ZFHX3: variants seen among roughly 807,000 people sequenced by gnomAD.
ZFHX3 encodes zinc finger homeobox protein 3.
In ZFHX3, 42 loss-of-function variants were observed where a neutral mutation model predicts 279.1. The observed-to-expected ratio is 0.15, with a 90% CI of 0.12 to 0.19. The LOEUF (loss-of-function observed/expected upper bound fraction) is 0.19. Ranked by LOEUF, ZFHX3 falls within the 10% of genes least tolerant of loss-of-function variation. The pLI, the probability that ZFHX3 is intolerant of heterozygous loss-of-function variation, is 1.00. For missense variants in ZFHX3, 4,981 were observed against 4,754.0 expected (o/e 1.05, Z -1.40); for synonymous variants, 2,293 against 1,957.8 (o/e 1.17, Z -4.52).
At chr16:72,840,981 C>T (rs1293964207) in intron 4 of ZFHX3, among the ~76,000 whole-genome samples, 4 of 152,164 alleles carry the variant, frequency 2.6e-5, no homozygotes, top group Non-Finnish European at 4.4e-5. Flanking sequence ...TTGGCCAGAC[C>T]CAAGCATATA....
At chr16:73,317,274 G>C (rs568801636) in intron 4 of ZFHX3, among the ~76,000 whole-genome samples, 1 of 151,400 alleles carries the variant, frequency 6.6e-6, no homozygotes, top group East Asian at 1.9e-4. Context: ...AACAGAAGCC[G>C]GGGGGTGGGG....
chr16:73,463,279 G>T (rs1305873805), intron 2 of ZFHX3, among the ~76,000 whole-genome samples: 1 of 152,110 alleles, frequency 6.6e-6, no homozygotes, highest in African/African-American at 2.4e-5. Context: ...AAGTGATATT[G>T]TCCCCTCAAC....
At chr16:73,286,086 T>G (rs1177453440) in intron 4 of ZFHX3, among the ~76,000 whole-genome samples, 1 of 152,172 alleles carries the variant, frequency 6.6e-6, no homozygotes, top group Non-Finnish European at 1.5e-5. Context: ...GGAAGGGACT[T>G]CATACAAATG....
chr16:72,808,807 C>T (rs2036350210), intron 7 of ZFHX3, among the ~76,000 whole-genome samples: 2 of 152,198 alleles, frequency 1.3e-5, no homozygotes, highest in African/African-American at 4.8e-5. Context: ...CCTTATGCTC[C>T]CTGGCATTGT....
At chr16:73,342,560 G>C (rs368971038) in intron 3 of ZFHX3, among the ~76,000 whole-genome samples, 1 of 152,156 alleles carries the variant, frequency 6.6e-6, no homozygotes, top group Non-Finnish European at 1.5e-5. Flanking sequence ...GGAAGAAAAC[G>C]GGTGCAAAAG....
intron 3 of ZFHX3, among the ~76,000 whole-genome samples, chr16:73,334,859 C>T (rs1243250542): frequency 1.7e-5 from 1 of 60,284 alleles, no homozygotes; most frequent in African/African-American, 6.6e-5. Flanking sequence ...CTTTCTGAAT[C>T]TGCTTGACGT....
At chr16:72,866,872 T>A (rs898366953) in intron 4 of ZFHX3, among the ~76,000 whole-genome samples, 3 of 152,156 alleles carry the variant, frequency 2.0e-5, no homozygotes, top group Admixed American at 6.5e-5. Context: ...GACCTGCAGT[T>A]CCACCTTAAC....
chr16:73,184,542 A>G (rs796111692), intron 5 of ZFHX3, among the ~76,000 whole-genome samples: 16 of 152,298 alleles, frequency 1.1e-4, no homozygotes, highest in African/African-American at 3.8e-4. Flanking sequence ...CCAGAGGGAA[A>G]GGCAGGTCGT....
rs1432645260 is a variant in ZFHX3 at position 72,786,117 on chromosome 16, A to G, written c.*1047T>C. On this transcript the variant is annotated 3_prime_UTR_variant, in exon 10 of 10. Coordinates refer to ENST00000268489, the MANE Select transcript of ZFHX3 (RefSeq NM_006885.4). ...AAGAAAGAGAAAGTGGAATTAAGGG[A>G]CAAGGGGAGAAAAGCTTAGGCGAAT... 1 of 152,272 alleles carries G rather than the reference A, an allele frequency of 6.6e-6. No homozygotes were observed. The highest frequency in any genetic ancestry group is 1.5e-5 in the Non-Finnish European group (1 of 68,044). 9.4% of individuals were successfully genotyped at this position (152,272 alleles called of 1,614,324 possible).
chr16:73,538,298 G>A (rs1390279945), intron 2 of ZFHX3, among the ~76,000 whole-genome samples: 1 of 151,994 alleles, frequency 6.6e-6, no homozygotes, highest in Admixed American at 6.6e-5. Context: ...GCTACACAGA[G>A]TTTGGAAAAA....
At chr16:73,267,919 A>G (rs907777866) in intron 4 of ZFHX3, among the ~76,000 whole-genome samples, 8 of 152,084 alleles carry the variant, frequency 5.3e-5, no homozygotes, top group East Asian at 3.9e-4. Context: ...TATTTTTTCA[A>G]TTTGTGATGT....
intron 1 of ZFHX3, among the ~76,000 whole-genome samples, chr16:73,689,977 G>A (rs967336986): frequency 9.9e-5 from 15 of 151,788 alleles, no homozygotes; most frequent in African/African-American, 2.4e-4. Context: ...GTGCAGTGGC[G>A]CGATCTCGGC....
chr16:73,450,516 T>A (rs2018265961), intron 3 of ZFHX3, among the ~76,000 whole-genome samples: 1 of 152,208 alleles, frequency 6.6e-6, no homozygotes, highest in Admixed American at 6.5e-5. Context: ...GTGTTTGTGG[T>A]TTTCATCTTC....
intron 5 of ZFHX3, among the ~76,000 whole-genome samples, chr16:73,253,387 C>A (rs1453481073): frequency 1.3e-5 from 2 of 151,940 alleles, no homozygotes; most frequent in African/African-American, 4.8e-5. Context: ...ACCCTGAGGA[C>A]CACCTGATCT....
chr16:73,210,423 G>A (rs962201802), intron 5 of ZFHX3, among the ~76,000 whole-genome samples: 7 of 151,746 alleles, frequency 4.6e-5, no homozygotes, highest in Admixed American at 1.3e-4. Context: ...ATATTTTGGG[G>A]GTAAAAAAAA....
At chr16:73,547,224 T>C (rs2020133102) in intron 2 of ZFHX3, among the ~76,000 whole-genome samples, 1 of 152,172 alleles carries the variant, frequency 6.6e-6, no homozygotes, top group Non-Finnish European at 1.5e-5. Flanking sequence ...ATGGTACTAT[T>C]CTATTTTTAT....
chr16:73,818,136 T>C (rs1960630063), intron 1 of ZFHX3, among the ~76,000 whole-genome samples: 1 of 152,218 alleles, frequency 6.6e-6, no homozygotes, highest in Admixed American at 6.5e-5. Flanking sequence ...TAAATCATTC[T>C]TTGCAGATCT....
At chr16:73,861,551 G>C (rs1961881412) in intron 1 of ZFHX3, among the ~76,000 whole-genome samples, 3 of 151,974 alleles carry the variant, frequency 2.0e-5, no homozygotes, top group Admixed American at 6.6e-5. Flanking sequence ...TAGTTTCTTG[G>C]CTCTGTTCAC....
intron 3 of ZFHX3, among the ~76,000 whole-genome samples, chr16:73,371,603 C>A (rs982370766): frequency 6.6e-6 from 1 of 151,968 alleles, no homozygotes; most frequent in Non-Finnish European, 1.5e-5. Context: ...GGAACTGGTG[C>A]ACCGGGTGTA....
Sources: gnomAD v4.1 joint callset for allele counts (sites outside exome capture counted in the v4.1 genomes callset) on GRCh38, gnomAD v4.1.1 for gene constraint, MANE v1.5 for transcripts, NCBI Gene and HGNC (gene_info 2026-07-23, HGNC 2026-07-21) for gene names.